Variants in SYN3 observed in about 807,000 individuals in gnomAD.
SYN3 encodes synapsin-3.
In SYN3, 35 loss-of-function variants were observed where a neutral mutation model predicts 65.8. That is an observed-to-expected ratio of 0.53 (90% CI 0.41 to 0.70). The LOEUF is 0.70. Among genes scored for constraint, SYN3 ranks in the 30% least tolerant of loss-of-function variants. SYN3 has a pLI of 0.00. For synonymous variants in SYN3, 270 were observed against 292.9 expected, an observed-to-expected ratio of 0.92 and a Z score of 0.80; for missense variants, 680 against 749.0, an observed-to-expected ratio of 0.91 and a Z score of 1.08.
At chr22:32,688,763 T>G (rs2060625612) in intron 6 of SYN3, among the ~76,000 whole-genome samples, 1 of 152,066 alleles carries the variant, frequency 6.6e-6, no homozygotes, top group Non-Finnish European at 1.5e-5. Flanking sequence ...ATTTTCTCGC[T>G]GGATGGAAGC....
At position 32,980,773 on chromosome 22, in the gene SYN3, C is replaced by T. The variant is rs538418327; in HGVS notation, c.312-71G>A. On this transcript the variant is annotated intron_variant, in intron 2 of 13. Coordinates refer to ENST00000358763, the MANE Select transcript of SYN3 (RefSeq NM_003490.4). ...ACTCTTTTCTCCCTTCTCCCAAAGG[C>T]CTTACCCCAGAGGTGCATATTGAGA... 166 of 1,426,504 alleles carry T rather than the reference C, an allele frequency of 1.2e-4. No homozygotes were observed. In the South Asian group the frequency reaches 1.7e-3, roughly 15 times the overall value. 88.4% of individuals were successfully genotyped at this position (1,426,504 alleles called of 1,614,324 possible).
chr22:32,616,174 G>A lies in SYN3; in HGVS notation c.712-19438C>T, dbSNP rs557505349. Among the ~76,000 whole-genome samples the A allele has an allele frequency of 1.1e-4, 17 of 152,320 alleles. No homozygotes were observed. In the East Asian group the frequency reaches 3.3e-3, roughly 30 times the overall value. ...CCCAGGGAAGGGTGCAGAGTTCGCA[G>A]GGCCTGCTCTCCTGCATGGGGGCAG... On this transcript the variant is annotated intron_variant, in intron 6 of 13. Transcript: ENST00000358763.
At chr22:32,929,423 T>C (rs564427586) in intron 4 of SYN3, among the ~76,000 whole-genome samples, 5 of 152,222 alleles carry the variant, frequency 3.3e-5, no homozygotes, top group Non-Finnish European at 7.3e-5. Flanking sequence ...ATGTCTTCTG[T>C]CTTTGAGGTT....
chr22:32,826,961 A>G (rs2047431705), intron 6 of SYN3, among the ~76,000 whole-genome samples: 1 of 152,226 alleles, frequency 6.6e-6, no homozygotes, highest in South Asian at 2.1e-4. Context: ...CTCCAGCTCC[A>G]AACCCCAGCT....
chr22:32,781,135 T>C (rs930492728), intron 6 of SYN3, among the ~76,000 whole-genome samples: 1 of 138,478 alleles, frequency 7.2e-6, no homozygotes, highest in Non-Finnish European at 1.5e-5. Flanking sequence ...AATAAACAAA[T>C]CCTTTTAAAT....
In SYN3 at chr22:32,686,147, C is replaced by T. The variant is rs914126582; in HGVS notation, c.712-89411G>A. Reference sequence around the variant, plus strand: ...TTTAATCTGAAAAGGAATAATTTAGCGAATATGGGTTGGATAAGCTTGAGA... The same window carrying T: ...TTTAATCTGAAAAGGAATAATTTAGTGAATATGGGTTGGATAAGCTTGAGA... On this transcript the variant is annotated intron_variant, in intron 6 of 13. Transcript: ENST00000358763. 5.9e-5 allele frequency among the ~76,000 whole-genome samples: 9 copies of T among 151,852 alleles called. No individual in the cohort carries two copies. The South Asian group carries it at 1.3e-3, about 21-fold the overall frequency.
intron 4 of SYN3, among the ~76,000 whole-genome samples, chr22:32,903,436 G>A (rs1009435080): frequency 3.9e-5 from 6 of 152,222 alleles, no homozygotes; most frequent in East Asian, 1.9e-4. Flanking sequence ...AGGGAACTGC[G>A]CACACCACTG....
intron 6 of SYN3, among the ~76,000 whole-genome samples, chr22:32,636,002 A>G (rs13340088): frequency 0.098 from 14,984 of 152,198 alleles, 1,670 homozygotes; most frequent in African/African-American, 0.28. Flanking sequence ...CCCTTAAGGT[A>G]TCGATGTAGA....
At chr22:32,965,543 CGTGTGTGTGT>C (rs10602672) in intron 3 of SYN3, among the ~76,000 whole-genome samples, 23 of 147,354 alleles carry the variant, frequency 1.6e-4, no homozygotes, top group African/African-American at 4.8e-4. Context: ...ATGGTGCGTA[CGTGTGTGTGT>C]GTGTGTGTGT....
chr22:32,778,160 A>G (rs542263664), intron 6 of SYN3, among the ~76,000 whole-genome samples: 2 of 152,380 alleles, frequency 1.3e-5, no homozygotes, highest in South Asian at 4.1e-4. Flanking sequence ...CAGGAAGCAG[A>G]TAAGTCTGTG....
chr22:32,779,459 C>T (rs1602127319), intron 6 of SYN3, among the ~76,000 whole-genome samples: 1 of 151,392 alleles, frequency 6.6e-6, no homozygotes, highest in Non-Finnish European at 1.5e-5. Context: ...GATTCTGTCT[C>T]GAAAAACAAA....
intron 4 of SYN3, among the ~76,000 whole-genome samples, chr22:32,878,721 A>C (rs2049046210): frequency 6.6e-6 from 1 of 152,092 alleles, no homozygotes; most frequent in Admixed American, 6.5e-5. Context: ...CCTTTCACAT[A>C]TCTTTCATTT....
chr22:32,693,713 A>G (rs2060698933), intron 6 of SYN3, among the ~76,000 whole-genome samples: 1 of 144,486 alleles, frequency 6.9e-6, no homozygotes. Context: ...TGCCTCAGCC[A>G]CCTGAGTAGC....
chr22:32,872,719 C>T (rs1024398107), intron 4 of SYN3, among the ~76,000 whole-genome samples: 1 of 152,100 alleles, frequency 6.6e-6, no homozygotes, highest in African/African-American at 2.4e-5. Flanking sequence ...TCAGTTCCTC[C>T]CTCTGTACCC....
intron 6 of SYN3, among the ~76,000 whole-genome samples, chr22:32,734,800 T>C (rs2061316915): frequency 6.6e-6 from 1 of 152,202 alleles, no homozygotes; most frequent in African/African-American, 2.4e-5. Context: ...TGGTTTCTAC[T>C]ACCTGTTATC....
intron 3 of SYN3, among the ~76,000 whole-genome samples, chr22:32,944,682 A>T (rs2051050170): frequency 6.6e-6 from 1 of 152,228 alleles, no homozygotes; most frequent in Non-Finnish European, 1.5e-5. Context: ...CAGTGTTGGA[A>T]GTTCTGGCCA....
At chr22:32,515,050 G>A (rs969831121) in intron 13 of SYN3, among the ~76,000 whole-genome samples, 3 of 151,878 alleles carry the variant, frequency 2.0e-5, no homozygotes, top group African/African-American at 4.8e-5. Context: ...GGACTTCAAC[G>A]CAGGGACTGT....
chr22:32,566,995 G>T (rs1338155438), intron 7 of SYN3, among the ~76,000 whole-genome samples: 1 of 152,122 alleles, frequency 6.6e-6, no homozygotes, highest in Non-Finnish European at 1.5e-5. Flanking sequence ...AGGCAGAGGT[G>T]CAGGAAGATG....
intron 6 of SYN3, among the ~76,000 whole-genome samples, chr22:32,856,168 T>C (rs938729822): frequency 6.6e-6 from 1 of 152,192 alleles, no homozygotes; most frequent in African/African-American, 2.4e-5. Flanking sequence ...AGAGATATCA[T>C]GAGAATGCTG....
Sources: gnomAD v4.1 joint callset for allele counts (sites outside exome capture counted in the v4.1 genomes callset) on GRCh38, gnomAD v4.1.1 for gene constraint, MANE v1.5 for transcripts, NCBI Gene and HGNC (gene_info 2026-07-23, HGNC 2026-07-21) for gene names.